Variants in STK38L observed in about 807,000 individuals in gnomAD.
STK38L encodes the protein serine/threonine kinase 38 like.
Under a neutral mutation model 59.7 loss-of-function variants are expected in STK38L, and 28 were observed. The ratio of observed to expected loss-of-function variants is 0.47; its 90% CI spans 0.35 to 0.64. The LOEUF is 0.64. STK38L is among the 30% of genes least tolerant of loss of function. The probability of loss-of-function intolerance (pLI) is 0.01; values close to 1 mark genes in which losing one functional copy is unlikely to be tolerated. For missense variants in STK38L, 314 were observed against 555.8 expected (o/e 0.56, Z 4.37); for synonymous variants, 162 against 176.8 (o/e 0.92, Z 0.66).
At chr12:27,290,368 A>G (rs756525192) in intron 1 of STK38L, among the ~76,000 whole-genome samples, 1 of 152,238 alleles carries the variant, frequency 6.6e-6, no homozygotes, top group African/African-American at 2.4e-5. Context: ...TCAAAGCGTC[A>G]TATCAACCTT....
intron 1 of STK38L, among the ~76,000 whole-genome samples, chr12:27,292,710 C>G (rs1943922917): frequency 6.6e-6 from 1 of 152,154 alleles, no homozygotes; most frequent in Non-Finnish European, 1.5e-5. Flanking sequence ...TTAAACAAGA[C>G]ATACATGTAT....
chr12:27,287,496 A>G (rs1290719636), intron 1 of STK38L, among the ~76,000 whole-genome samples: 2 of 152,180 alleles, frequency 1.3e-5, no homozygotes, highest in African/African-American at 4.8e-5. Flanking sequence ...GTATATACAT[A>G]TGTATATTCC....
At chr12:27,303,541 G>C in intron 3 of STK38L, among the ~76,000 whole-genome samples, 1 of 152,192 alleles carries the variant, frequency 6.6e-6, no homozygotes, top group East Asian at 1.9e-4. Flanking sequence ...GTCTGGCAGA[G>C]AGCTAGAATA....
chr12:27,272,597 C>G (rs889732611), intron 1 of STK38L, among the ~76,000 whole-genome samples: 3 of 152,182 alleles, frequency 2.0e-5, no homozygotes, highest in Non-Finnish European at 4.4e-5. Flanking sequence ...CCTGGGGTGA[C>G]TGAATCTGCT....
chr12:27,306,364 C>T (rs1173154009), intron 3 of STK38L, among the ~76,000 whole-genome samples: 1 of 151,712 alleles, frequency 6.6e-6, no homozygotes, highest in Non-Finnish European at 1.5e-5. Flanking sequence ...AAAAAAAAAC[C>T]CTCCTCACTA....
At chr12:27,299,815 G>A (rs917951671) in intron 2 of STK38L, among the ~76,000 whole-genome samples, 11 of 151,686 alleles carry the variant, frequency 7.3e-5, no homozygotes, top group Admixed American at 7.2e-4. Context: ...AGTTCAAAAA[G>A]AATGCAAGAG....
rs556078833 is a variant in STK38L, at chr12:27,264,034, A to G, written c.-12+19702A>G. Among the ~76,000 whole-genome samples the G allele has an allele frequency of 2.0e-5, 3 of 152,338 alleles. No individual in the cohort carries two copies. The South Asian group carries it at 6.2e-4, about 32-fold the overall frequency. On this transcript the variant is annotated intron_variant, in intron 1 of 13. Coordinates refer to ENST00000389032, the MANE Select transcript of STK38L (RefSeq NM_015000.4). ...CCAAGGGTTAGTGGTGAGGTTGATTATGGTATGTCTTCTCGTTGATGAGGG... is the reference window on the plus strand; with the variant it reads ...CCAAGGGTTAGTGGTGAGGTTGATTGTGGTATGTCTTCTCGTTGATGAGGG...
intron 5 of STK38L, among the ~76,000 whole-genome samples, chr12:27,311,745 TAA>T (rs63019060): frequency 0.16 from 23,964 of 152,070 alleles, 2,086 homozygotes; most frequent in East Asian, 0.31. Context: ...TAATATAACA[TAA>T]AGTTACTATA....
Position 27,299,199 on chromosome 12 carries a change from G to T in STK38L, c.134+1345G>T, listed in dbSNP as rs573622970. Among the ~76,000 whole-genome samples, 54 of 152,340 alleles carry T rather than the reference G, an allele frequency of 3.5e-4. 1 individual carries two copies. The highest frequency in any genetic ancestry group is 9.6e-4 in the East Asian group (5 of 5,190). ...AAACTGAGAGTGGTACAGTTTAAATGAAATAGAGAGGAAAAGTCTCATTTA... is the reference window on the plus strand; with the variant it reads ...AAACTGAGAGTGGTACAGTTTAAATTAAATAGAGAGGAAAAGTCTCATTTA... On this transcript the variant is annotated intron_variant, in intron 2 of 13. Coordinates refer to ENST00000389032, the MANE Select transcript of STK38L (RefSeq NM_015000.4).
intron 1 of STK38L, among the ~76,000 whole-genome samples, chr12:27,247,436 G>A (rs902442772): frequency 6.6e-6 from 1 of 151,946 alleles, no homozygotes; most frequent in Non-Finnish European, 1.5e-5. Flanking sequence ...TAAATTTTGG[G>A]GTCAGTTTTC....
At chr12:27,270,016 A>G (rs1943389652) in intron 1 of STK38L, among the ~76,000 whole-genome samples, 1 of 152,082 alleles carries the variant, frequency 6.6e-6, no homozygotes, top group African/African-American at 2.4e-5. Flanking sequence ...AACTCATTTA[A>G]TCCCGTATTC....
At chr12:27,283,694 A>G (rs900259183) in intron 1 of STK38L, among the ~76,000 whole-genome samples, 5 of 152,216 alleles carry the variant, frequency 3.3e-5, no homozygotes, top group African/African-American at 1.2e-4. Flanking sequence ...TTATTTTTAT[A>G]TATGGGGCAG....
At chr12:27,245,803 A>G (rs953271254) in intron 1 of STK38L, 11 of 152,188 alleles carry the variant, frequency 7.2e-5, no homozygotes, top group Non-Finnish European at 1.6e-4. Context: ...CAAAATAGGT[A>G]GGTACAATGA....
rs548351292 is a variant in STK38L at position 27,314,243 on chromosome 12, A to G, written c.518-261A>G. 5.9e-5 allele frequency among the ~76,000 whole-genome samples: 9 copies of G among 152,190 alleles called. No homozygotes were observed. In the South Asian group the frequency reaches 1.9e-3, roughly 32 times the overall value. On this transcript the variant is annotated intron_variant, in intron 6 of 13. Transcript: ENST00000389032. Reference sequence around the variant, plus strand: ...TGGCAAAACCCCATCTCTACTAAAAATACAAAAATTAGCTGGGTGTGGTGG... The same window carrying G: ...TGGCAAAACCCCATCTCTACTAAAAGTACAAAAATTAGCTGGGTGTGGTGG...
rs568849445 is a variant in STK38L, at chr12:27,317,457, T to A, written c.955+4T>A. 1 of 1,578,164 alleles carries A rather than the reference T, an allele frequency of 6.3e-7. No individual in the cohort carries two copies. The highest frequency in any genetic ancestry group is 1.4e-5 in the African/African-American group (1 of 73,840). ...ATTATGTATGAAATGCTAATAGGTA[T>A]GTTTTATCATTCATTTATGTACAAA... On this transcript the variant is annotated splice_donor_region_variant and intron_variant, in intron 10 of 13. Transcript: ENST00000389032.
intron 2 of STK38L, chr12:27,300,654 G>T: frequency 2.2e-6 from 1 of 455,530 alleles, no homozygotes; most frequent in Non-Finnish European, 4.4e-6. Context: ...TTGTCTAAGG[G>T]TTGGGGCCTA....
intron 1 of STK38L, among the ~76,000 whole-genome samples, chr12:27,248,895 A>G (rs778860371): frequency 6.6e-6 from 1 of 152,236 alleles, no homozygotes; most frequent in Non-Finnish European, 1.5e-5. Context: ...TAGTGATGGT[A>G]TATCATTTCC....
intron 1 of STK38L, among the ~76,000 whole-genome samples, chr12:27,279,938 G>A (rs933873410): frequency 6.6e-6 from 1 of 152,088 alleles, no homozygotes; most frequent in Non-Finnish European, 1.5e-5. Flanking sequence ...CCAATTACTG[G>A]CTGTAGGTCT....
At chr12:27,279,081 C>T (rs1250632132) in intron 1 of STK38L, among the ~76,000 whole-genome samples, 1 of 152,140 alleles carries the variant, frequency 6.6e-6, no homozygotes, top group Non-Finnish European at 1.5e-5. Flanking sequence ...ATAAGACCAT[C>T]GAGGAGGTCA....
Sources: allele counts gnomAD v4.1 joint callset (sites outside exome capture counted in the v4.1 genomes callset), GRCh38; gene constraint gnomAD v4.1.1; transcripts MANE v1.5; gene names NCBI Gene and HGNC (gene_info 2026-07-23, HGNC 2026-07-21).